The following TASOR variants were observed in gnomAD, a reference collection of about 807,000 sequenced individuals.
TASOR encodes the protein transcription activation suppressor.
Under a neutral mutation model 178.6 loss-of-function variants are expected in TASOR, and 53 were observed. The ratio of observed to expected loss-of-function variants is 0.30; its 90% CI spans 0.24 to 0.37. TASOR has a LOEUF of 0.37. Among genes scored for constraint, TASOR ranks in the 10% least tolerant of loss-of-function variants. The pLI is 1.00. For missense variants in TASOR, 1,815 were observed against 1,971.4 expected, an observed-to-expected ratio of 0.92 and a Z score of 1.50; for synonymous variants, 713 against 696.2, an observed-to-expected ratio of 1.02 and a Z score of -0.38.
At chr3:56,636,160 A>G (rs1281254952) in intron 17 of TASOR, among the ~76,000 whole-genome samples, 2 of 151,838 alleles carry the variant, frequency 1.3e-5, no homozygotes, top group African/African-American at 4.8e-5. Flanking sequence ...AAATACAAAA[A>G]TTAGCCAGGC....
At position 56,621,531 on chromosome 3, in the gene TASOR, G is replaced by C; in HGVS notation, c.*1506C>G. On this transcript the variant is annotated 3_prime_UTR_variant, in exon 24 of 24. Coordinates refer to ENST00000683822, the MANE Select transcript of TASOR (RefSeq NM_001365635.2). ...ACAAACATATATCAATGTGATTTCA[G>C]GGCCTTCTCCAGAAGCAAAAGGAGT... 1 of 1,581,384 alleles carries C rather than the reference G, an allele frequency of 6.3e-7. No homozygotes were observed.
At position 56,682,969 on chromosome 3, in the gene TASOR, G is replaced by A. The variant is rs1559861444; in HGVS notation, c.38C>T (p.Thr13Met). 8.4e-6 allele frequency: 13 copies of A among 1,549,202 alleles called. No individual in the cohort carries two copies. Among genetic ancestry groups the A allele is most frequent in the African/African-American group, 1.4e-5 (1 of 73,124 alleles). The change falls in exon 1 of 24, where the codon ACG becomes ATG. Residue 13 changes from threonine to methionine, a missense_variant. By Grantham distance (81) the Thr-to-Met change is moderately conservative. Around this residue, in one of 5 missense-constraint regions of TASOR, gnomAD observed 244 missense variants for 202.7 expected, o/e 1.20. Transcript: ENST00000683822. ...TAVETEACQP[T>M]DASWESGGGG... ...GCCGCCACTTTCCCAACTCGCATCC[G>A]TCGGCTGACAGGCCTCCGTCTCCAC...
Position 56,627,032 on chromosome 3 carries a change from C to T in TASOR, c.4139+5G>A, listed in dbSNP as rs1420940280. On this transcript the variant is annotated splice_donor_5th_base_variant and intron_variant, in intron 21 of 23. Transcript: ENST00000683822. ...ACCATTATATAGTTATGTTTCAAAG[C>T]TTACCTGCCTAGTTCCTTTAGTTTC... is the stretch of plus-strand genomic sequence containing the variant. 1.3e-6 allele frequency: 2 copies of T among 1,549,940 alleles called. No homozygotes were observed. The highest frequency in any genetic ancestry group is 2.2e-5 in the East Asian group (1 of 44,464).
intron 1 of TASOR, among the ~76,000 whole-genome samples, chr3:56,681,267 G>C (rs1202816969): frequency 6.6e-6 from 1 of 152,032 alleles, no homozygotes; most frequent in East Asian, 1.9e-4. Context: ...ATTACACTGG[G>C]AACTTTTCTC....
chr3:56,670,176 A>G (rs981940688), intron 3 of TASOR, 31 bp from the exon 4 acceptor site: 3 of 1,295,014 alleles, frequency 2.3e-6, no homozygotes, highest in Non-Finnish European at 3.2e-6. Context: ...TTCATCTTGC[A>G]GTCATAACAA....
At chr3:56,624,362 T>C in intron 23 of TASOR, 117 bp downstream of exon 23, 1 of 947,176 alleles carries the variant, frequency 1.1e-6, no homozygotes, top group Non-Finnish European at 1.6e-6. Flanking sequence ...ACTTTCCCTA[T>C]GGCTGTTTAT....
intron 7 of TASOR, among the ~76,000 whole-genome samples, chr3:56,664,900 T>C (rs529251967): frequency 6.6e-6 from 1 of 152,276 alleles, no homozygotes; most frequent in Non-Finnish European, 1.5e-5. Context: ...TCAGGCCAAG[T>C]GTGGCAGCTC....
intron 18 of TASOR, among the ~76,000 whole-genome samples, chr3:56,631,707 C>T (rs1447683540): frequency 6.6e-6 from 1 of 151,898 alleles, no homozygotes; most frequent in Non-Finnish European, 1.5e-5. Context: ...CCTCAGCCTC[C>T]TGAGTAGCTG....
chr3:56,662,360 C>T (rs921227968), intron 9 of TASOR, 25 bp downstream of exon 9: 7 of 1,256,370 alleles, frequency 5.6e-6, no homozygotes, highest in Admixed American at 2.0e-5. Flanking sequence ...TTAGCAACCA[C>T]GAACTGCTCT....
chr3:56,628,452 T>G, intron 19 of TASOR, 40 bp downstream of exon 19: 1 of 1,564,010 alleles, frequency 6.4e-7, no homozygotes, highest in Non-Finnish European at 8.7e-7. Flanking sequence ...AATAAGGGAG[T>G]TTTTAAAACC....
Position 56,649,927 on chromosome 3 carries a change from G to A in TASOR, c.1369-870C>T, listed in dbSNP as rs542557959. ...CTAGGATAAATGTATAAGACAAGTCGGGAATGAAAGATCATGGGTTAGCTG... is the reference window on the plus strand; with the variant it reads ...CTAGGATAAATGTATAAGACAAGTCAGGAATGAAAGATCATGGGTTAGCTG... On this transcript the variant is annotated intron_variant, in intron 11 of 23. Transcript: ENST00000683822. Among the ~76,000 whole-genome samples the A allele has an allele frequency of 2.0e-3, 303 of 152,294 alleles. 12 individuals are homozygous for A. The South Asian group carries it at 0.058, about 29-fold the overall frequency.
chr3:56,624,068 T>G (rs2076746010), intron 23 of TASOR, among the ~76,000 whole-genome samples: 1 of 152,210 alleles, frequency 6.6e-6, no homozygotes, highest in Non-Finnish European at 1.5e-5. Flanking sequence ...TCTACTATCT[T>G]GCAATTAAAT....
intron 6 of TASOR, 81 bp downstream of exon 6, chr3:56,668,316 G>A: frequency 7.5e-7 from 1 of 1,334,738 alleles, no homozygotes; most frequent in Non-Finnish European, 1.0e-6. Flanking sequence ...GGGACAGAGA[G>A]AACTGAAAGG....
At chr3:56,640,243 G>A (rs368505841) in intron 15 of TASOR, 113 bp from the exon 16 acceptor site, 31 of 859,904 alleles carry the variant, frequency 3.6e-5, no homozygotes, top group East Asian at 5.4e-5. Flanking sequence ...TTACAAATGC[G>A]TAAAATCAAC....
chr3:56,675,413 G>A (rs1225265682), intron 1 of TASOR, among the ~76,000 whole-genome samples: 1 of 150,628 alleles, frequency 6.6e-6, no homozygotes, highest in Non-Finnish European at 1.5e-5. Context: ...CTGACCTCAG[G>A]TAATCCACCT....
intron 12 of TASOR, 28 bp from the exon 13 acceptor site, chr3:56,648,921 CA>C: frequency 6.3e-7 from 1 of 1,599,220 alleles, no homozygotes; most frequent in Non-Finnish European, 8.5e-7. Flanking sequence ...AACTCATTAG[CA>C]ATGTGTTTTA....
At chr3:56,658,138 G>GAATAATCCC (rs1202708060) in intron 11 of TASOR, among the ~76,000 whole-genome samples, 6 of 152,294 alleles carry the variant, frequency 3.9e-5, no homozygotes, top group Middle Eastern at 3.4e-3. Context: ...GCTATAGACG[G>GAATAATCCC]AATAATCCCA....
intron 5 of TASOR, among the ~76,000 whole-genome samples, chr3:56,668,881 C>T (rs1229279282): frequency 1.3e-5 from 2 of 152,036 alleles, no homozygotes; most frequent in Non-Finnish European, 2.9e-5. Flanking sequence ...CTATGGCAGG[C>T]AGAACTGCTT....
chr3:56,681,187 A>T (rs2031754780), intron 1 of TASOR, among the ~76,000 whole-genome samples: 1 of 152,162 alleles, frequency 6.6e-6, no homozygotes, highest in South Asian at 2.1e-4. Context: ...GAAGAAAAAA[A>T]ATAGTTCCAC....
Sources: allele counts gnomAD v4.1 joint callset (sites outside exome capture counted in the v4.1 genomes callset), GRCh38; gene constraint gnomAD v4.1.1; regional missense constraint gnomAD v4.1.1; transcripts MANE v1.5; gene names NCBI Gene and HGNC (gene_info 2026-07-23, HGNC 2026-07-21).